The following ADAT1 variants were observed in gnomAD, a reference collection of about 807,000 sequenced individuals.
The protein encoded by ADAT1 is tRNA-specific adenosine deaminase 1.
Under a neutral mutation model 58.6 loss-of-function variants are expected in ADAT1, and 58 were observed. That is an observed-to-expected ratio of 0.99 (90% CI 0.80 to 1.23). ADAT1 has a LOEUF of 1.23. ADAT1 is among the 50% of genes most tolerant of loss of function. The probability of loss-of-function intolerance (pLI) is 0.00; values close to 1 mark genes in which losing one functional copy is unlikely to be tolerated. For missense variants in ADAT1, 741 were observed against 608.6 expected (o/e 1.22, Z -2.29); for synonymous variants, 254 against 220.8 (o/e 1.15, Z -1.33).
At chr16:75,607,306 C>T (rs1272931215) in intron 8 of ADAT1, among the ~76,000 whole-genome samples, 1 of 151,942 alleles carries the variant, frequency 6.6e-6, no homozygotes, top group African/African-American at 2.4e-5. Flanking sequence ...GAGTTTGAGA[C>T]CAGCCTGGCC....
At chr16:75,607,074 A>C (rs2081391604) in intron 8 of ADAT1, among the ~76,000 whole-genome samples, 1 of 151,908 alleles carries the variant, frequency 6.6e-6, no homozygotes, top group Non-Finnish European at 1.5e-5. Context: ...AAAAATGCAA[A>C]AAAAAATTAG....
intron 6 of ADAT1, among the ~76,000 whole-genome samples, chr16:75,611,121 A>G (rs538770207): frequency 6.6e-6 from 1 of 152,324 alleles, no homozygotes; most frequent in East Asian, 1.9e-4. Context: ...GTCACTACAA[A>G]AACATTCTGA....
In ADAT1 at chr16:75,599,593, C is replaced by A; in HGVS notation, c.*623G>T. 2 of 985,802 alleles carry A rather than the reference C, an allele frequency of 2.0e-6. No individual in the cohort carries two copies. Among genetic ancestry groups the A allele is most frequent in the Non-Finnish European group, 2.4e-6 (2 of 829,874 alleles). The allele number at this position is 985,802 out of a possible 1,614,324, so 61.1% of individuals were successfully genotyped here. On this transcript the variant is annotated 3_prime_UTR_variant, in exon 10 of 10. Transcript: ENST00000564657. Reference sequence around the variant, plus strand: ...GTAGGAAAAGATGGCCACCGGCAGTCCCATGATTATGTGACCCTTACAGCT... The same window carrying A: ...GTAGGAAAAGATGGCCACCGGCAGTACCATGATTATGTGACCCTTACAGCT...
chr16:75,609,712 T>C (rs1379649674), intron 6 of ADAT1, among the ~76,000 whole-genome samples: 2 of 152,098 alleles, frequency 1.3e-5, no homozygotes, highest in African/African-American at 2.4e-5. Context: ...ACCACTTAAA[T>C]TTTTTGTTTT....
intron 4 of ADAT1, 22 bp downstream of exon 4, chr16:75,618,564 T>A: frequency 4.8e-6 from 7 of 1,457,448 alleles, no homozygotes; most frequent in East Asian, 2.3e-5. Flanking sequence ...TGCTGAACCA[T>A]ACTCTGGAGA....
At chr16:75,610,203 T>C (rs537364548) in intron 6 of ADAT1, among the ~76,000 whole-genome samples, 1 of 152,364 alleles carries the variant, frequency 6.6e-6, no homozygotes, top group South Asian at 2.1e-4. Flanking sequence ...ATTTGATTTA[T>C]CCATTCATCC....
At chr16:75,602,247 T>G (rs755406292) in intron 9 of ADAT1, among the ~76,000 whole-genome samples, 9 of 152,300 alleles carry the variant, frequency 5.9e-5, no homozygotes, top group Middle Eastern at 6.8e-3. Context: ...AACAAAAACT[T>G]TGGACACTGA....
chr16:75,601,291 G>A (rs1054193749), intron 9 of ADAT1, among the ~76,000 whole-genome samples: 4 of 151,346 alleles, frequency 2.6e-5, no homozygotes, highest in African/African-American at 9.7e-5. Flanking sequence ...TGTAAGCTAC[G>A]ATTGTGCCAC....
intron 6 of ADAT1, among the ~76,000 whole-genome samples, chr16:75,610,054 A>G (rs896572381): frequency 6.6e-6 from 1 of 152,156 alleles, no homozygotes; most frequent in Non-Finnish European, 1.5e-5. Flanking sequence ...CCTGTTCTAG[A>G]TATTACACAA....
At chr16:75,610,076 C>A (rs974025499) in intron 6 of ADAT1, among the ~76,000 whole-genome samples, 1 of 152,134 alleles carries the variant, frequency 6.6e-6, no homozygotes, top group African/African-American at 2.4e-5. Context: ...TAAAATTATA[C>A]AATATGTGAT....
At chr16:75,604,492 C>CACACAT (rs1555508697) in intron 8 of ADAT1, among the ~76,000 whole-genome samples, 4 of 124,532 alleles carry the variant, frequency 3.2e-5, no homozygotes, top group African/African-American at 1.3e-4. Flanking sequence ...CACACACACA[C>CACACAT]ACACACACAC....
At chr16:75,606,411 G>A (rs529169916) in intron 8 of ADAT1, among the ~76,000 whole-genome samples, 3 of 152,160 alleles carry the variant, frequency 2.0e-5, no homozygotes, top group African/African-American at 7.2e-5. Flanking sequence ...ATTACAGATA[G>A]GCTCTGGCTT....
At chr16:75,608,819 G>A (rs1597107903) in intron 7 of ADAT1, 24 bp downstream of exon 7, 1 of 1,605,292 alleles carries the variant, frequency 6.2e-7, no homozygotes, top group Non-Finnish European at 8.5e-7. Flanking sequence ...TTACTCCAGG[G>A]CAGGTCTAAC....
intron 5 of ADAT1, among the ~76,000 whole-genome samples, chr16:75,616,405 T>A (rs1258999097): frequency 2.0e-5 from 3 of 152,262 alleles, no homozygotes; most frequent in African/African-American, 7.2e-5. Context: ...ATCTCTGCTC[T>A]AATTGCATGT....
In ADAT1 at chr16:75,599,168, G is replaced by A. The variant is rs1251047308; in HGVS notation, c.*1048C>T. 1.6e-5 allele frequency: 15 copies of A among 938,112 alleles called. No homozygotes were observed. The highest frequency in any genetic ancestry group is 8.2e-5 in the Admixed American group (1 of 12,260). 58.1% of individuals were successfully genotyped at this position (938,112 alleles called of 1,614,324 possible). On this transcript the variant is annotated 3_prime_UTR_variant, in exon 10 of 10. Coordinates refer to ENST00000564657, the MANE Select transcript of ADAT1 (RefSeq NM_001324445.2). ...ACGATCTTTGCTCACCACTACCTCCGCCTCCTGGGTTCAAGCAATTCTCCT... is the reference window on the plus strand; with the variant it reads ...ACGATCTTTGCTCACCACTACCTCCACCTCCTGGGTTCAAGCAATTCTCCT...
chr16:75,611,786 G>A (rs181082270), intron 6 of ADAT1, among the ~76,000 whole-genome samples: 5 of 151,570 alleles, frequency 3.3e-5, no homozygotes, highest in South Asian at 2.1e-4. Flanking sequence ...AGCCGGGCGC[G>A]GTGGCTCACA....
At chr16:75,608,059 A>G (rs1200823303) in intron 8 of ADAT1, among the ~76,000 whole-genome samples, 165 bp downstream of exon 8, 3 of 152,236 alleles carry the variant, frequency 2.0e-5, no homozygotes, top group Non-Finnish European at 4.4e-5. Flanking sequence ...CAGGAAGTAA[A>G]TTAAGTAAAT....
At chr16:75,611,029 A>C (rs2081515402) in intron 6 of ADAT1, among the ~76,000 whole-genome samples, 1 of 152,142 alleles carries the variant, frequency 6.6e-6, no homozygotes, top group African/African-American at 2.4e-5. Context: ...CAGGAGGATC[A>C]CTTGAGCTCA....
At chr16:75,614,477 T>C (rs762462553) in intron 5 of ADAT1, among the ~76,000 whole-genome samples, 4 of 152,214 alleles carry the variant, frequency 2.6e-5, no homozygotes, top group African/African-American at 4.8e-5. Flanking sequence ...TTTTCTAAAG[T>C]GTATAAATAA....
Sources: gnomAD v4.1 joint callset for allele counts (sites outside exome capture counted in the v4.1 genomes callset) on GRCh38, gnomAD v4.1.1 for gene constraint, MANE v1.5 for transcripts, NCBI Gene and HGNC (gene_info 2026-07-23, HGNC 2026-07-21) for gene names.